STK4: variants seen among roughly 807,000 people sequenced by gnomAD.
STK4 encodes the protein serine/threonine kinase 4.
A neutral mutation model predicts 64.9 loss-of-function variants in STK4; 30 were observed. The observed-to-expected ratio is 0.46, with a 90% confidence interval of 0.35 to 0.63. STK4 has a LOEUF of 0.63. STK4 is among the 20% of genes least tolerant of loss of function. The pLI is 0.01. For missense variants in STK4, 466 were observed against 598.5 expected (o/e 0.78, Z 2.31); for synonymous variants, 177 against 199.0 (o/e 0.89, Z 0.93).
chr20:45,021,121 C>T (rs2068240257), intron 9 of STK4, among the ~76,000 whole-genome samples: 1 of 152,154 alleles, frequency 6.6e-6, no homozygotes, highest in Non-Finnish European at 1.5e-5. Flanking sequence ...GCCCAGCCTA[C>T]ACAAGAATTT....
chr20:44,988,090 C>T (rs2067562652), intron 5 of STK4, among the ~76,000 whole-genome samples: 1 of 151,826 alleles, frequency 6.6e-6, no homozygotes, highest in African/African-American at 2.4e-5. Context: ...TATTCAGTAT[C>T]ATGATTTGTG....
At chr20:45,002,331 C>G (rs1601241851) in intron 9 of STK4, among the ~76,000 whole-genome samples, 1 of 152,150 alleles carries the variant, frequency 6.6e-6, no homozygotes, top group Admixed American at 6.5e-5. Flanking sequence ...TTTCATAATT[C>G]AAATGCTAAT....
intron 9 of STK4, among the ~76,000 whole-genome samples, chr20:45,004,723 T>C (rs993844005): frequency 6.6e-6 from 1 of 151,888 alleles, no homozygotes; most frequent in African/African-American, 2.4e-5. Context: ...CAATTGCTTT[T>C]GATATTTTTG....
rs142027582 is a variant in STK4, at chr20:44,971,082, TACACACACACACACACAC to T, written c.36-970_36-953del. Among the ~76,000 whole-genome samples the T allele has an allele frequency of 1.6e-4, 22 of 136,518 alleles. 1 individual carries two copies. The highest frequency in any genetic ancestry group is 1.2e-3 in the Admixed American group (16 of 13,392). 89.6% of individuals were successfully genotyped at this position (136,518 alleles called of 152,430 possible). On this transcript the variant is annotated intron_variant, in intron 1 of 10. Coordinates refer to ENST00000372806, the MANE Select transcript of STK4 (RefSeq NM_006282.5). ...AGTTTCAGGAAGCCATTGTGTAGAC[TACACACACACACACACAC>T]ACACACACACACACACACACACACA... is the stretch of plus-strand genomic sequence containing the variant.
rs181319137 is a variant in STK4, at chr20:45,070,396, A to G, written c.1306-4622A>G. 1.5e-3 allele frequency among the ~76,000 whole-genome samples: 222 copies of G among 152,304 alleles called. 1 individual carries two copies. The highest frequency in any genetic ancestry group is 5.1e-3 in the African/African-American group (211 of 41,562). On this transcript the variant is annotated intron_variant, in intron 10 of 10. Transcript: ENST00000372806. ...TTTGAGTTATACCAATATTTCAGGG[A>G]CAAAATTGATAGGACTGCTAAAGGA...
intron 10 of STK4, among the ~76,000 whole-genome samples, chr20:45,066,509 G>C (rs967492697): frequency 6.6e-6 from 1 of 152,172 alleles, no homozygotes; most frequent in African/African-American, 2.4e-5. Context: ...TAAGAGATCC[G>C]TGTCAGAGGT....
At chr20:45,001,087 C>T in intron 8 of STK4, 80 bp from the exon 9 acceptor site, 3 of 1,426,028 alleles carry the variant, frequency 2.1e-6, no homozygotes, top group Non-Finnish European at 2.9e-6. Flanking sequence ...AATATTTTCA[C>T]TAAGACAGGT....
intron 3 of STK4, among the ~76,000 whole-genome samples, chr20:44,978,837 C>T (rs1231315161): frequency 6.3e-5 from 9 of 142,964 alleles, no homozygotes; most frequent in Non-Finnish European, 1.2e-4. Flanking sequence ...CTCGCTCTGT[C>T]GCCCAGGCTG....
chr20:45,032,925 C>A (rs2068469439), intron 10 of STK4, among the ~76,000 whole-genome samples: 1 of 152,172 alleles, frequency 6.6e-6, no homozygotes, highest in South Asian at 2.1e-4. Flanking sequence ...TGCAACCTCG[C>A]CAGCATCTGT....
chr20:45,079,181 A>G lies in STK4; in HGVS notation c.*4005A>G, dbSNP rs536097034. ...CAGTGAGCCATGGTCTCACCACTGC[A>G]CTCTAGCCTGGGTGACAGAATGAGA... On this transcript the variant is annotated 3_prime_UTR_variant, in exon 11 of 11. Coordinates refer to ENST00000372806, the MANE Select transcript of STK4 (RefSeq NM_006282.5). 1 of 152,236 alleles carries G rather than the reference A, an allele frequency of 6.6e-6. No homozygotes were observed. Among genetic ancestry groups the G allele is most frequent in the South Asian group, 2.1e-4 (1 of 4,822 alleles). The allele number at this position is 152,236 out of a possible 1,614,324, so 9.4% of individuals were successfully genotyped here.
intron 10 of STK4, among the ~76,000 whole-genome samples, chr20:45,047,457 C>T (rs1007039323): frequency 3.3e-5 from 5 of 152,130 alleles, no homozygotes; most frequent in African/African-American, 1.2e-4. Flanking sequence ...CAGCCCTTAG[C>T]GAATTGCCAT....
intron 9 of STK4, among the ~76,000 whole-genome samples, chr20:45,014,902 A>G (rs2068114461): frequency 6.6e-6 from 1 of 152,196 alleles, no homozygotes; most frequent in Admixed American, 6.5e-5. Context: ...AATTAGATTC[A>G]GTGAATTGAA....
intron 10 of STK4, among the ~76,000 whole-genome samples, chr20:45,026,121 T>C (rs964361535): frequency 1.9e-4 from 27 of 141,682 alleles, no homozygotes; most frequent in Non-Finnish European, 4.1e-4. Context: ...TACTTACTTA[T>C]CCAGTGGTTT....
intron 9 of STK4, among the ~76,000 whole-genome samples, chr20:45,004,134 C>T (rs560136499): frequency 7.6e-4 from 115 of 151,862 alleles, no homozygotes; most frequent in Middle Eastern, 3.4e-3. Context: ...CTTGCTCTTT[C>T]GCCCAGGCTG....
At chr20:45,016,345 A>G (rs750716516) in intron 9 of STK4, among the ~76,000 whole-genome samples, 1 of 151,718 alleles carries the variant, frequency 6.6e-6, no homozygotes, top group Admixed American at 6.6e-5. Flanking sequence ...TTTTTTTTCC[A>G]CCCCCGAAAG....
At chr20:45,049,531 G>A (rs1426876151) in intron 10 of STK4, among the ~76,000 whole-genome samples, 1 of 152,080 alleles carries the variant, frequency 6.6e-6, no homozygotes, top group Non-Finnish European at 1.5e-5. Context: ...ACAGTTCCTG[G>A]GATGAATTAA....
intron 9 of STK4, among the ~76,000 whole-genome samples, chr20:45,017,950 T>C (rs2068173931): frequency 6.6e-6 from 1 of 152,214 alleles, no homozygotes; most frequent in South Asian, 2.1e-4. Flanking sequence ...TTATAACTTA[T>C]GATTCCAGCA....
intron 10 of STK4, among the ~76,000 whole-genome samples, chr20:45,026,131 T>G (rs1303829867): frequency 6.7e-6 from 1 of 149,650 alleles, no homozygotes; most frequent in African/African-American, 2.4e-5. Context: ...TCCAGTGGTT[T>G]TTTTTTTTTT....
chr20:45,016,741 A>G (rs1021796103), intron 9 of STK4, among the ~76,000 whole-genome samples: 2 of 152,240 alleles, frequency 1.3e-5, no homozygotes, highest in Non-Finnish European at 2.9e-5. Context: ...CTACTCCAGT[A>G]TAGTTATATT....
Sources: allele counts gnomAD v4.1 joint callset (sites outside exome capture counted in the v4.1 genomes callset), GRCh38; gene constraint gnomAD v4.1.1; transcripts MANE v1.5; gene names NCBI Gene and HGNC (gene_info 2026-07-23, HGNC 2026-07-21).